Variants in NEGR1 observed in about 807,000 individuals in gnomAD.
NEGR1 encodes the protein IgLON family member 4.
Under a neutral mutation model 40.9 loss-of-function variants are expected in NEGR1, and 10 were observed. The ratio of observed to expected loss-of-function variants is 0.24; its 90% CI spans 0.15 to 0.42. The LOEUF (loss-of-function observed/expected upper bound fraction) is 0.42. Among genes scored for constraint, NEGR1 ranks in the 10% least tolerant of loss-of-function variants. NEGR1 has a pLI of 1.00. For missense variants in NEGR1, 352 were observed against 438.9 expected (o/e 0.80, Z 1.77); for synonymous variants, 185 against 166.8 (o/e 1.11, Z -0.84).
chr1:71,531,717 A>G (rs976309728), intron 6 of NEGR1, among the ~76,000 whole-genome samples: 16 of 151,410 alleles, frequency 1.1e-4, no homozygotes, highest in South Asian at 4.1e-4. Context: ...ATGATTTTAA[A>G]TAGACCACTC....
chr1:71,595,545 G>A (rs571784217), intron 5 of NEGR1, among the ~76,000 whole-genome samples: 11 of 152,108 alleles, frequency 7.2e-5, no homozygotes, highest in Non-Finnish European at 1.5e-4. Flanking sequence ...GAGAGTTCTG[G>A]GGTATGAAGA....
intron 1 of NEGR1, among the ~76,000 whole-genome samples, chr1:72,243,790 T>C (rs989814176): frequency 1.3e-5 from 2 of 151,854 alleles, no homozygotes; most frequent in African/African-American, 2.4e-5. Flanking sequence ...TCATATGCAT[T>C]ACCTATAGTG....
chr1:71,436,897 A>G (rs950316061), intron 6 of NEGR1, among the ~76,000 whole-genome samples: 3 of 152,174 alleles, frequency 2.0e-5, no homozygotes, highest in African/African-American at 7.2e-5. Flanking sequence ...TCAACTGCTT[A>G]TGTCATCAGT....
At chr1:72,120,050 G>A (rs1433869616) in intron 1 of NEGR1, among the ~76,000 whole-genome samples, 1 of 151,852 alleles carries the variant, frequency 6.6e-6, no homozygotes, top group Non-Finnish European at 1.5e-5. Flanking sequence ...AGAACCTTTT[G>A]GGTTTTACAT....
At chr1:71,947,776 A>AC (rs1646034625) in intron 1 of NEGR1, among the ~76,000 whole-genome samples, 1 of 117,944 alleles carries the variant, frequency 8.5e-6, no homozygotes, top group East Asian at 3.7e-4. Flanking sequence ...TTGGTCACTT[A>AC]AAAAAAAAAA....
chr1:71,885,841 A>G (rs932408577), intron 2 of NEGR1, among the ~76,000 whole-genome samples: 1 of 152,188 alleles, frequency 6.6e-6, no homozygotes, highest in Non-Finnish European at 1.5e-5. Flanking sequence ...GATATTTTTC[A>G]TAACAAAACA....
At chr1:72,135,422 CAAA>C (rs71074820) in intron 1 of NEGR1, among the ~76,000 whole-genome samples, 10 of 102,254 alleles carry the variant, frequency 9.8e-5, no homozygotes, top group East Asian at 3.1e-4. Flanking sequence ...AAAACAAAAC[CAAA>C]AAAAAAAAAA....
intron 6 of NEGR1, among the ~76,000 whole-genome samples, chr1:71,450,222 C>T (rs1253527634): frequency 6.6e-6 from 1 of 151,654 alleles, no homozygotes; most frequent in East Asian, 2.0e-4. Context: ...AACTCCTGAC[C>T]TCTTGATCCA....
intron 1 of NEGR1, among the ~76,000 whole-genome samples, chr1:72,026,857 T>A (rs1403790535): frequency 6.6e-6 from 1 of 152,174 alleles, no homozygotes; most frequent in African/African-American, 2.4e-5. Flanking sequence ...TGGCTTTTTA[T>A]CCTAGCCTCT....
intron 2 of NEGR1, among the ~76,000 whole-genome samples, chr1:71,802,722 T>G: frequency 6.6e-6 from 1 of 152,196 alleles, no homozygotes; most frequent in East Asian, 1.9e-4. Context: ...TTAGAATGGC[T>G]TGGGACTCAT....
At chr1:71,640,444 C>T (rs1456247320) in intron 4 of NEGR1, among the ~76,000 whole-genome samples, 1 of 151,988 alleles carries the variant, frequency 6.6e-6, no homozygotes, top group African/African-American at 2.4e-5. Context: ...TGATTCAAGC[C>T]AGGGAAACAA....
intron 1 of NEGR1, among the ~76,000 whole-genome samples, chr1:72,081,581 A>T (rs1362536541): frequency 2.0e-5 from 3 of 152,078 alleles, no homozygotes; most frequent in Non-Finnish European, 4.4e-5. Flanking sequence ...GAGTGTAAGT[A>T]ATGTGTTCTT....
At chr1:71,471,653 C>CAA (rs998193967) in intron 6 of NEGR1, among the ~76,000 whole-genome samples, 4 of 65,704 alleles carry the variant, frequency 6.1e-5, no homozygotes, top group Admixed American at 1.4e-4. Flanking sequence ...CAAAACAAAA[C>CAA]AACAACAACA....
intron 2 of NEGR1, among the ~76,000 whole-genome samples, chr1:71,928,378 GTATA>G (rs749086506): frequency 8.0e-6 from 1 of 124,556 alleles, no homozygotes; most frequent in Non-Finnish European, 1.6e-5. Flanking sequence ...ATGTATATAT[GTATA>G]TATACACACA....
intron 1 of NEGR1, among the ~76,000 whole-genome samples, chr1:72,094,341 GA>G (rs1648615419): frequency 6.6e-6 from 1 of 152,168 alleles, no homozygotes; most frequent in South Asian, 2.1e-4. Context: ...AGGAGCCAGA[GA>G]AAAAGTGGGA....
At chr1:72,052,238 AT>A (rs1294171913) in intron 1 of NEGR1, among the ~76,000 whole-genome samples, 1 of 151,442 alleles carries the variant, frequency 6.6e-6, no homozygotes, top group African/African-American at 2.4e-5. Flanking sequence ...TTGTCAAATT[AT>A]TCCAGAAAAA....
intron 1 of NEGR1, among the ~76,000 whole-genome samples, chr1:72,234,739 C>A (rs1199962034): frequency 1.3e-5 from 2 of 152,028 alleles, no homozygotes; most frequent in South Asian, 4.1e-4. Context: ...CAATGAGATA[C>A]CATCTCACAC....
intron 1 of NEGR1, among the ~76,000 whole-genome samples, chr1:72,024,586 A>G (rs1646790139): frequency 6.6e-6 from 1 of 152,210 alleles, no homozygotes; most frequent in African/African-American, 2.4e-5. Flanking sequence ...GGCAATGCAA[A>G]CAAAATGCTT....
rs775993242 is a variant in NEGR1, at chr1:71,776,257, G to A, written c.450C>T (p.Val150=). 1 of 1,603,596 alleles carries A rather than the reference G, an allele frequency of 6.2e-7. No individual in the cohort carries two copies. Among genetic ancestry groups the A allele is most frequent in the Admixed American group, 1.7e-5 (1 of 59,332 alleles). Residue 150 remains valine, a synonymous_variant, in exon 3 of 7, where the codon GTC becomes GTT. Coordinates refer to ENST00000357731, the MANE Select transcript of NEGR1 (RefSeq NM_173808.3). ...TAAGAGTGACGTTGGTTCCTTCATT[G>A]ACGGTCATATCATTTGAGATGTCAT... ...KIYDISNDMT[V]NEGTNVTLTC...
Sources: gnomAD v4.1 joint callset for allele counts (sites outside exome capture counted in the v4.1 genomes callset) on GRCh38, gnomAD v4.1.1 for gene constraint, MANE v1.5 for transcripts, NCBI Gene and HGNC (gene_info 2026-07-23, HGNC 2026-07-21) for gene names.